LYPD6: variants seen among roughly 807,000 people sequenced by gnomAD.
The protein encoded by LYPD6 is LY6/PLAUR domain containing 6, also known as ly6/PLAUR domain-containing protein 6.
In LYPD6, 15 loss-of-function variants were observed where a neutral mutation model predicts 22.7. The observed-to-expected ratio is 0.66, with a 90% CI of 0.44 to 1.02. The LOEUF is 1.02. Ranked by LOEUF, LYPD6 falls within the 50% of genes least tolerant of loss-of-function variation. The pLI, the probability that LYPD6 is intolerant of heterozygous loss-of-function variation, is 0.00. For missense variants in LYPD6, 189 were observed against 208.4 expected, an observed-to-expected ratio of 0.91 and a Z score of 0.57; for synonymous variants, 72 against 77.5, an observed-to-expected ratio of 0.93 and a Z score of 0.37.
intron 4 of LYPD6, among the ~76,000 whole-genome samples, chr2:149,470,279 C>T (rs576324210): frequency 7.9e-5 from 12 of 152,212 alleles, no homozygotes; most frequent in African/African-American, 2.9e-4. Context: ...TGCCACTTGA[C>T]TCTCACTTGA....
rs549383828 is a variant in LYPD6 at position 149,472,760 on chromosome 2, C to T, written c.*1910C>T. 2.6e-5 allele frequency: 4 copies of T among 152,554 alleles called. No individual in the cohort carries two copies. Among genetic ancestry groups the T allele is most frequent in the African/African-American group, 9.7e-5 (4 of 41,418 alleles). 9.5% of individuals were successfully genotyped at this position (152,554 alleles called of 1,614,324 possible). A position where few individuals can be genotyped will look rare whatever the true frequency, so the allele number is the denominator to read the frequency against. On this transcript the variant is annotated 3_prime_UTR_variant, in exon 5 of 5. Transcript: ENST00000334166. ...AGAATGTTACTAGCATTTACACTTC[C>T]CAAATGAAGGTACCAAAGCTCAAAC... is the stretch of plus-strand genomic sequence containing the variant.
chr2:149,332,917 A>G (rs901404632), intron 1 of LYPD6, among the ~76,000 whole-genome samples: 4 of 152,220 alleles, frequency 2.6e-5, no homozygotes, highest in African/African-American at 4.8e-5. Flanking sequence ...TTAAAGGTAC[A>G]TATAATCAAA....
intron 3 of LYPD6, among the ~76,000 whole-genome samples, chr2:149,466,245 G>A (rs758546459): frequency 1.3e-5 from 2 of 152,132 alleles, no homozygotes; most frequent in Non-Finnish European, 2.9e-5. Context: ...GAAGAAACCT[G>A]TTCGAGTTTA....
intron 1 of LYPD6, among the ~76,000 whole-genome samples, chr2:149,397,999 GA>G (rs1049257439): frequency 3.3e-5 from 5 of 151,674 alleles, no homozygotes; most frequent in Admixed American, 6.6e-5. Context: ...ACTCCATTAA[GA>G]AAAAAAACAA....
intron 1 of LYPD6, chr2:149,368,271 G>T (rs575696080): frequency 1.3e-5 from 2 of 152,436 alleles, no homozygotes; most frequent in East Asian, 1.9e-4. Context: ...GGAGGCATTG[G>T]AGTATTAGGT....
the LYPD6 span, among the ~76,000 whole-genome samples, chr2:149,484,549 C>T: frequency 6.7e-5 from 5 of 74,412 alleles, no homozygotes; most frequent in East Asian, 7.7e-4. Context: ...AGCTCCATAG[C>T]TACCCCCGTA....
At chr2:149,375,149 G>A (rs1681888937) in intron 1 of LYPD6, among the ~76,000 whole-genome samples, 1 of 152,190 alleles carries the variant, frequency 6.6e-6, no homozygotes, top group South Asian at 2.1e-4. Context: ...TTAGATGGAG[G>A]TGAAGGTATG....
chr2:149,445,165 A>T (rs1009927482), intron 2 of LYPD6, among the ~76,000 whole-genome samples: 7 of 152,156 alleles, frequency 4.6e-5, no homozygotes, highest in African/African-American at 1.4e-4. Context: ...ATTTTGAAAG[A>T]AATATTTTTT....
intron 4 of LYPD6, among the ~76,000 whole-genome samples, chr2:149,470,323 T>C (rs1681303355): frequency 6.6e-6 from 1 of 152,172 alleles, no homozygotes; most frequent in African/African-American, 2.4e-5. Flanking sequence ...CCTCTCTTCC[T>C]CAAGTAGTCA....
intron 4 of LYPD6, 90 bp downstream of exon 4, chr2:149,468,865 C>A: frequency 1.5e-6 from 2 of 1,360,748 alleles, no homozygotes; most frequent in Non-Finnish European, 2.0e-6. Context: ...ATTCTTACTC[C>A]CCCGTGAAGG....
intron 1 of LYPD6, among the ~76,000 whole-genome samples, chr2:149,397,679 G>A (rs1682456531): frequency 6.6e-6 from 1 of 152,238 alleles, no homozygotes. Flanking sequence ...TTCAGAATTT[G>A]CTTTTACTCT....
chr2:149,419,738 C>T (rs1036930286), intron 1 of LYPD6, among the ~76,000 whole-genome samples: 1 of 152,120 alleles, frequency 6.6e-6, no homozygotes, highest in African/African-American at 2.4e-5. Flanking sequence ...TTAGAACAAC[C>T]AGTTATCTCA....
chr2:149,372,053 C>T (rs1356721688), intron 1 of LYPD6, among the ~76,000 whole-genome samples: 1 of 152,100 alleles, frequency 6.6e-6, no homozygotes, highest in Non-Finnish European at 1.5e-5. Context: ...CAGGGATTTG[C>T]TGCCCTGGGA....
chr2:149,390,656 A>G (rs1013619750), intron 1 of LYPD6, among the ~76,000 whole-genome samples: 3 of 152,316 alleles, frequency 2.0e-5, no homozygotes, highest in East Asian at 3.9e-4. Flanking sequence ...TTTAAATCTC[A>G]GTACCTCAAT....
chr2:149,371,874 A>G (rs1320733820), intron 1 of LYPD6, among the ~76,000 whole-genome samples: 1 of 152,048 alleles, frequency 6.6e-6, no homozygotes, highest in African/African-American at 2.4e-5. Context: ...AGGCCTAGAA[A>G]TTCTCTGCTT....
chr2:149,445,436 C>T (rs942110625), intron 2 of LYPD6, among the ~76,000 whole-genome samples: 3 of 152,202 alleles, frequency 2.0e-5, no homozygotes, highest in African/African-American at 7.2e-5. Flanking sequence ...CTATGAAAGT[C>T]CTAGATGTCA....
the LYPD6 span, among the ~76,000 whole-genome samples, chr2:149,486,054 CA>C: frequency 2.0e-5 from 3 of 152,154 alleles, no homozygotes; most frequent in Non-Finnish European, 4.4e-5. Flanking sequence ...ATACATTTCA[CA>C]AAAAGATATA....
intron 1 of LYPD6, among the ~76,000 whole-genome samples, chr2:149,393,702 T>G (rs2105101076): frequency 6.6e-6 from 1 of 152,290 alleles, no homozygotes; most frequent in Admixed American, 6.5e-5. Flanking sequence ...AGGGTAAGTA[T>G]TATGCACAAA....
At chr2:149,398,109 T>C (rs138886005) in intron 1 of LYPD6, among the ~76,000 whole-genome samples, 182 of 152,292 alleles carry the variant, frequency 1.2e-3, no homozygotes, top group African/African-American at 4.1e-3. Context: ...GCAAGTACCA[T>C]AGTTTGGATT....
Sources: allele counts gnomAD v4.1 joint callset (sites outside exome capture counted in the v4.1 genomes callset), GRCh38; gene constraint gnomAD v4.1.1; transcripts MANE v1.5; gene names NCBI Gene and HGNC (gene_info 2026-07-23, HGNC 2026-07-21).